Variants in FGF14 observed in about 807,000 individuals in gnomAD.
FGF14 encodes the protein fibroblast growth factor 14.
In FGF14, 5 loss-of-function variants were observed where a neutral mutation model predicts 25.5. That is an observed-to-expected ratio of 0.20 (90% CI 0.10 to 0.41). The LOEUF is 0.41. FGF14 is among the 10% of genes least tolerant of loss of function. The pLI is 1.00. For missense variants in FGF14, 222 were observed against 320.1 expected, an observed-to-expected ratio of 0.69 and a Z score of 2.34; for synonymous variants, 138 against 118.3, an observed-to-expected ratio of 1.17 and a Z score of -1.08.
intron 1 of FGF14, among the ~76,000 whole-genome samples, chr13:101,915,331 TCC>T (rs886101993): frequency 6.6e-6 from 1 of 152,200 alleles, no homozygotes; most frequent in Non-Finnish European, 1.5e-5. Context: ...TATGCTTCTA[TCC>T]CCCGTCTTTG....
At chr13:102,100,092 A>T (rs1377965302) in intron 1 of FGF14, among the ~76,000 whole-genome samples, 2 of 152,222 alleles carry the variant, frequency 1.3e-5, no homozygotes, top group Admixed American at 6.5e-5. Context: ...TCATCATGAG[A>T]CAAAAGTACG....
At chr13:102,015,664 C>A (rs2040301759) in intron 1 of FGF14, among the ~76,000 whole-genome samples, 1 of 152,112 alleles carries the variant, frequency 6.6e-6, no homozygotes, top group African/African-American at 2.4e-5. Flanking sequence ...AGACTGTAAA[C>A]TCCCCATGGG....
chr13:102,132,388 C>A (rs966479788), intron 1 of FGF14, among the ~76,000 whole-genome samples: 2 of 152,114 alleles, frequency 1.3e-5, no homozygotes, highest in Admixed American at 6.5e-5. Flanking sequence ...TTAACTCAAT[C>A]TGAGGTCCAA....
At chr13:102,310,879 G>A (rs946547533) in intron 1 of FGF14, among the ~76,000 whole-genome samples, 2 of 152,136 alleles carry the variant, frequency 1.3e-5, no homozygotes, top group South Asian at 2.1e-4. Flanking sequence ...TCCCTTGGGG[G>A]TGGGAAGTCA....
intron 3 of FGF14, among the ~76,000 whole-genome samples, chr13:101,858,577 TCTACCAC>T (rs1365357075): frequency 3.2e-4 from 48 of 152,196 alleles, no homozygotes; most frequent in African/African-American, 1.1e-3. Flanking sequence ...ATTTTCACCA[TCTACCAC>T]CTACCATGTA....
rs565288483 is a variant in FGF14 at position 102,191,823 on chromosome 13, C to T, written c.208+209648G>A. Among the ~76,000 whole-genome samples, 5 of 152,238 alleles carry T rather than the reference C, an allele frequency of 3.3e-5. No individual in the cohort carries two copies. In the South Asian group the frequency reaches 1.0e-3, roughly 32 times the overall value. ...ATTCTCCAGCTGTAAACCTGTAAAACCATACAAGTTATGTGCTTCCAAATT... is the reference window on the plus strand; with the variant it reads ...ATTCTCCAGCTGTAAACCTGTAAAATCATACAAGTTATGTGCTTCCAAATT... On this transcript the variant is annotated intron_variant, in intron 1 of 4. Transcript: ENST00000376131.
rs532462732 is a variant in FGF14, at chr13:101,953,522, T to G, written c.209-78226A>C. Among the ~76,000 whole-genome samples the G allele has an allele frequency of 5.3e-5, 8 of 151,782 alleles. No homozygotes were observed. In the South Asian group the frequency reaches 1.7e-3, roughly 32 times the overall value. ...TCTTTCTACTGCTTGAAATGTTACT[T>G]GGTCAACTGCTACCTTTCTGTATGT... On this transcript the variant is annotated intron_variant, in intron 1 of 4. Coordinates refer to the FGF14 transcript ENST00000376131.
At chr13:102,036,914 AAGG>A (rs1483497696) in intron 1 of FGF14, among the ~76,000 whole-genome samples, 1 of 152,190 alleles carries the variant, frequency 6.6e-6, no homozygotes, top group African/African-American at 2.4e-5. Context: ...TGAGGAAAGA[AAGG>A]AGATTTTTCC....
intron 1 of FGF14, among the ~76,000 whole-genome samples, chr13:102,215,049 G>T (rs556131183): frequency 5.3e-5 from 8 of 150,948 alleles, no homozygotes; most frequent in African/African-American, 2.0e-4. Flanking sequence ...CCACCCACAT[G>T]CTGTGAAGGA....
At chr13:102,090,442 A>G (rs190303507) in intron 1 of FGF14, among the ~76,000 whole-genome samples, 4 of 148,146 alleles carry the variant, frequency 2.7e-5, no homozygotes, top group South Asian at 2.2e-4. Context: ...GTCAATCGCC[A>G]TATCTATAAA....
At chr13:102,239,004 A>G (rs2051458531) in intron 1 of FGF14, among the ~76,000 whole-genome samples, 1 of 152,156 alleles carries the variant, frequency 6.6e-6, no homozygotes, top group African/African-American at 2.4e-5. Context: ...TGGTGGACTC[A>G]AAAGACGATG....
intron 1 of FGF14, among the ~76,000 whole-genome samples, chr13:102,142,554 G>A (rs997627744): frequency 3.3e-5 from 5 of 152,058 alleles, no homozygotes; most frequent in Admixed American, 1.3e-4. Context: ...GCTGGAAAAG[G>A]GCCTTGTGAG....
At chr13:101,860,943 A>G (rs2044385078) in intron 3 of FGF14, among the ~76,000 whole-genome samples, 1 of 152,120 alleles carries the variant, frequency 6.6e-6, no homozygotes, top group Non-Finnish European at 1.5e-5. Flanking sequence ...TAGAAACACA[A>G]GTTTTGAATT....
chr13:101,929,281 G>GAGCTGAGATA (rs1262624193), intron 1 of FGF14, among the ~76,000 whole-genome samples: 4 of 152,210 alleles, frequency 2.6e-5, no homozygotes, highest in African/African-American at 9.6e-5. Context: ...GTAACACCTG[G>GAGCTGAGATA]AGCTGAGATT....
chr13:102,211,373 C>CAAGG (rs1252633530), intron 1 of FGF14, among the ~76,000 whole-genome samples: 2 of 152,102 alleles, frequency 1.3e-5, no homozygotes, highest in Non-Finnish European at 2.9e-5. Flanking sequence ...TTAAAGAATG[C>CAAGG]CTTGCTCTGT....
intron 1 of FGF14, among the ~76,000 whole-genome samples, chr13:102,023,460 C>A (rs1031676024): frequency 1.3e-5 from 2 of 151,912 alleles, no homozygotes; most frequent in African/African-American, 4.8e-5. Flanking sequence ...AATTCATGTA[C>A]CGTAAAATTC....
intron 1 of FGF14, among the ~76,000 whole-genome samples, chr13:102,178,677 G>T (rs1594295404): frequency 6.6e-6 from 1 of 152,070 alleles, no homozygotes; most frequent in South Asian, 2.1e-4. Flanking sequence ...CACTTAAGAT[G>T]ATGGTCTCCA....
rs2047053051 is a variant in FGF14 at position 102,150,833 on chromosome 13, TG to T, written c.208+250637del. 8.5e-5 allele frequency among the ~76,000 whole-genome samples: 13 copies of T among 152,332 alleles called. No individual in the cohort carries two copies. The South Asian group carries it at 2.7e-3, about 32-fold the overall frequency. On this transcript the variant is annotated intron_variant, in intron 1 of 4. Coordinates refer to the FGF14 transcript ENST00000376131. The stretch of plus-strand genomic sequence containing the variant: ...TACTGGTATGTTGTAGATAGAGATC[TG>T]GGTGCTGCCAATCACCTTGCAAAGC...
chr13:102,086,442 C>A (rs865818801), intron 1 of FGF14, among the ~76,000 whole-genome samples: 50 of 151,990 alleles, frequency 3.3e-4, no homozygotes, highest in Non-Finnish European at 4.7e-4. Flanking sequence ...AGGCAGGAGA[C>A]TGGCGTGAAC....
Sources: allele counts gnomAD v4.1 joint callset (sites outside exome capture counted in the v4.1 genomes callset), GRCh38; gene constraint gnomAD v4.1.1; transcripts MANE v1.5; gene names NCBI Gene and HGNC (gene_info 2026-07-23, HGNC 2026-07-21).